DIAPH3: variants seen among roughly 807,000 people sequenced by gnomAD.
DIAPH3 encodes the protein diaphanous related formin 3, also known as protein diaphanous homolog 3.
Under a neutral mutation model 144.3 loss-of-function variants are expected in DIAPH3, and 117 were observed. The observed-to-expected ratio is 0.81, with a 90% CI of 0.70 to 0.95. DIAPH3 has a LOEUF of 0.95. Ranked by LOEUF, DIAPH3 falls within the 40% of genes least tolerant of loss-of-function variation. The probability of loss-of-function intolerance (pLI) is 0.00; values close to 1 mark genes in which losing one functional copy is unlikely to be tolerated. For synonymous variants in DIAPH3, 519 were observed against 488.9 expected (o/e 1.06, Z -0.81); for missense variants, 1,421 against 1,412.7 (o/e 1.01, Z -0.09).
rs2037760075 is a variant in DIAPH3 at position 59,764,197 on chromosome 13, T to C, written c.3319+9992A>G. Among the ~76,000 whole-genome samples the C allele has an allele frequency of 3.3e-5, 5 of 152,154 alleles. No individual in the cohort carries two copies. In the South Asian group the frequency reaches 8.3e-4, roughly 25 times the overall value. ...GCTTCATATTCCCATTCTAGATTCT[T>C]GAGCGCAATTGTTCCTAACAATAAA... On this transcript the variant is annotated intron_variant, in intron 27 of 27. Coordinates refer to ENST00000400324, the MANE Select transcript of DIAPH3 (RefSeq NM_001042517.2).
At chr13:60,009,513 A>C (rs1361279723) in intron 8 of DIAPH3, among the ~76,000 whole-genome samples, 1 of 152,216 alleles carries the variant, frequency 6.6e-6, no homozygotes, top group African/African-American at 2.4e-5. Flanking sequence ...GGAAGCTCAG[A>C]AAGTATCATA....
chr13:59,673,303 C>T (rs1444202805), intron 27 of DIAPH3, among the ~76,000 whole-genome samples: 1 of 152,200 alleles, frequency 6.6e-6, no homozygotes, highest in African/African-American at 2.4e-5. Context: ...ATCCATACCT[C>T]TCTATTGAAA....
At position 59,687,774 on chromosome 13, in the gene DIAPH3, A is replaced by AT. The variant is rs1300852701; in HGVS notation, c.3320-20929dup. On this transcript the variant is annotated intron_variant, in intron 27 of 27. Coordinates refer to ENST00000400324, the MANE Select transcript of DIAPH3 (RefSeq NM_001042517.2). ...AGGATGATTATTCGATGAACTGCCC[A>AT]TAGAAGTACAGGCAGGACAACCACA... is the stretch of plus-strand genomic sequence containing the variant. 3.9e-5 allele frequency among the ~76,000 whole-genome samples: 6 copies of AT among 152,220 alleles called. No homozygotes were observed. In the East Asian group the frequency reaches 1.2e-3, roughly 29 times the overall value.
chr13:60,007,306 C>A (rs564923245), intron 9 of DIAPH3, among the ~76,000 whole-genome samples: 2 of 152,322 alleles, frequency 1.3e-5, no homozygotes, highest in African/African-American at 4.8e-5. Flanking sequence ...CTGCCTCAGC[C>A]TCCCAAAGTG....
intron 21 of DIAPH3, among the ~76,000 whole-genome samples, chr13:59,869,793 T>A (rs2044146222): frequency 6.6e-6 from 1 of 152,202 alleles, no homozygotes; most frequent in South Asian, 2.1e-4. Flanking sequence ...CCTATACGTT[T>A]TGATGGGTAT....
At chr13:60,016,981 G>T (rs960593455) in intron 5 of DIAPH3, among the ~76,000 whole-genome samples, 2 of 151,968 alleles carry the variant, frequency 1.3e-5, no homozygotes, top group Admixed American at 6.6e-5. Flanking sequence ...TAATAACAAT[G>T]ATAATAATCT....
chr13:59,864,504 C>T (rs778516572), intron 21 of DIAPH3, among the ~76,000 whole-genome samples: 3 of 151,906 alleles, frequency 2.0e-5, no homozygotes, highest in Non-Finnish European at 2.9e-5. Flanking sequence ...TTTGTAAAGC[C>T]TAGAAAGAGT....
chr13:59,926,801 T>C (rs1163070883), intron 17 of DIAPH3, among the ~76,000 whole-genome samples: 2 of 152,208 alleles, frequency 1.3e-5, no homozygotes, highest in East Asian at 1.9e-4. Flanking sequence ...ATGTGTGTTG[T>C]GCACCTACTG....
chr13:60,068,651 C>T (rs2057071455), intron 4 of DIAPH3, among the ~76,000 whole-genome samples: 1 of 152,184 alleles, frequency 6.6e-6, no homozygotes, highest in South Asian at 2.1e-4. Context: ...CTCCTCCCAC[C>T]CTCCACCCTC....
chr13:60,107,097 T>C (rs1318578988), intron 3 of DIAPH3, among the ~76,000 whole-genome samples: 1 of 152,144 alleles, frequency 6.6e-6, no homozygotes, highest in Non-Finnish European at 1.5e-5. Context: ...AGTGTTAACT[T>C]TCTGATTTTG....
chr13:59,894,576 C>T (rs2140140300), intron 20 of DIAPH3, among the ~76,000 whole-genome samples: 2 of 98,688 alleles, frequency 2.0e-5, no homozygotes, highest in South Asian at 8.1e-4. Context: ...TCCCCTGCCC[C>T]CCCACCCCTC....
intron 25 of DIAPH3, among the ~76,000 whole-genome samples, chr13:59,799,732 G>A (rs1424019679): frequency 6.6e-6 from 1 of 152,102 alleles, no homozygotes; most frequent in Admixed American, 6.5e-5. Flanking sequence ...ACCTGCTATG[G>A]AAAGAAATTA....
chr13:59,856,904 A>T (rs2043289000), intron 22 of DIAPH3, among the ~76,000 whole-genome samples: 1 of 152,008 alleles, frequency 6.6e-6, no homozygotes, highest in Non-Finnish European at 1.5e-5. Context: ...ATTGGTAAAA[A>T]AAAAAAAAAA....
intron 27 of DIAPH3, among the ~76,000 whole-genome samples, chr13:59,722,335 T>C (rs1190879800): frequency 6.6e-6 from 1 of 152,182 alleles, no homozygotes; most frequent in Non-Finnish European, 1.5e-5. Context: ...GAACAGGTAA[T>C]GTATCCTGGT....
intron 25 of DIAPH3, among the ~76,000 whole-genome samples, chr13:59,787,407 G>A (rs1244624237): frequency 6.6e-6 from 1 of 152,104 alleles, no homozygotes; most frequent in Non-Finnish European, 1.5e-5. Context: ...AAATCCAAAA[G>A]TAATATAAAT....
intron 17 of DIAPH3, among the ~76,000 whole-genome samples, chr13:59,933,727 A>G (rs915866398): frequency 2.3e-4 from 35 of 152,218 alleles, no homozygotes; most frequent in African/African-American, 8.2e-4. Context: ...GCAGCATTTT[A>G]TAAGGGTTTT....
At chr13:59,671,939 G>C in intron 27 of DIAPH3, among the ~76,000 whole-genome samples, 1 of 152,120 alleles carries the variant, frequency 6.6e-6, no homozygotes, top group Admixed American at 6.5e-5. Context: ...GCAGAGTATA[G>C]ATTTGGATGA....
chr13:59,822,294 G>A (rs932083069), intron 24 of DIAPH3, among the ~76,000 whole-genome samples: 3 of 151,944 alleles, frequency 2.0e-5, no homozygotes, highest in South Asian at 2.1e-4. Context: ...AGCACAAGTC[G>A]CTATGCACAA....
intron 1 of DIAPH3, 92 bp from the exon 2 acceptor site, chr13:60,133,081 C>T: frequency 2.4e-6 from 2 of 829,504 alleles, no homozygotes; most frequent in Non-Finnish European, 3.9e-6. Context: ...ACAATCCTAA[C>T]TTGAATATAA....
Sources: allele counts gnomAD v4.1 joint callset (sites outside exome capture counted in the v4.1 genomes callset), GRCh38; gene constraint gnomAD v4.1.1; transcripts MANE v1.5; gene names NCBI Gene and HGNC (gene_info 2026-07-23, HGNC 2026-07-21).